The following GALC variants were observed in gnomAD, a reference collection of about 807,000 sequenced individuals.
The protein encoded by GALC is galactocerebrosidase.
A neutral mutation model predicts 91.8 loss-of-function variants in GALC; 77 were observed. That is an observed-to-expected ratio of 0.84 (90% CI 0.70 to 1.01). GALC has a LOEUF of 1.01. GALC is among the 50% of genes least tolerant of loss of function. The probability of loss-of-function intolerance (pLI) is 0.00; values close to 1 mark genes in which losing one functional copy is unlikely to be tolerated. For missense variants in GALC, 882 were observed against 855.9 expected, an observed-to-expected ratio of 1.03 and a Z score of -0.38; for synonymous variants, 357 against 306.7, an observed-to-expected ratio of 1.16 and a Z score of -1.71.
chr14:87,934,408 T>C lies in GALC; in HGVS notation c.*324A>G, dbSNP rs1884482844. On this transcript the variant is annotated 3_prime_UTR_variant, in exon 17 of 17. Transcript: ENST00000261304. ...TCTACAGGACCGCTTGCAAATAAGA[T>C]GAAGAGAGCTACCTCAGTGTTAGCA... The C allele has an allele frequency of 1.0e-5, 13 of 1,280,072 alleles. No homozygotes were observed. In the South Asian group the frequency reaches 2.0e-4, roughly 20 times the overall value. 79.3% of individuals were successfully genotyped at this position (1,280,072 alleles called of 1,614,324 possible).
At chr14:87,987,029 G>A in intron 3 of GALC, 1 of 455,068 alleles carries the variant, frequency 2.2e-6, no homozygotes, top group Non-Finnish European at 4.4e-6. Flanking sequence ...CCTGTTCTCA[G>A]AACCCACACC....
Position 87,954,705 on chromosome 14 carries a change from C to T in GALC, c.1162-3957G>A, listed in dbSNP as rs534110538. On this transcript the variant is annotated intron_variant, in intron 10 of 16. Transcript: ENST00000261304. ...ATTTCAGAGCTGTCATTTCCTATTA[C>T]GGCAGCTCAGAAGATAGCTCTAAAT... The T allele has an allele frequency of 1.2e-4, 192 of 1,548,824 alleles. 1 individual carries two copies. The highest frequency in any genetic ancestry group is 5.9e-4 in the East Asian group (26 of 44,416).
At chr14:87,967,896 AT>A (rs1886121350) in intron 8 of GALC, among the ~76,000 whole-genome samples, 1 of 152,176 alleles carries the variant, frequency 6.6e-6, no homozygotes. Context: ...TTGGGAAACA[AT>A]TAGGAAAATC....
At chr14:87,969,986 A>C (rs1322088004) in intron 7 of GALC, among the ~76,000 whole-genome samples, 1 of 152,210 alleles carries the variant, frequency 6.6e-6, no homozygotes, top group Non-Finnish European at 1.5e-5. Context: ...TACACTACAA[A>C]GATACCAACA....
chr14:87,934,672 G>A lies in GALC; in HGVS notation c.*60C>T. ...TTCCAATGAAACAAGAATTGGCTCT[G>A]AACCAAAACCAAAAAGAAGGGAAGA... is the stretch of plus-strand genomic sequence containing the variant. On this transcript the variant is annotated 3_prime_UTR_variant, in exon 17 of 17. Coordinates refer to ENST00000261304, the MANE Select transcript of GALC (RefSeq NM_000153.4). 6.2e-7 allele frequency: 1 copy of A among 1,610,698 alleles called. No individual in the cohort carries two copies. Among genetic ancestry groups the A allele is most frequent in the Non-Finnish European group, 8.5e-7 (1 of 1,178,546 alleles).
intron 7 of GALC, 58 bp from the exon 8 acceptor site, chr14:87,968,548 C>CTCAACAAAT: frequency 6.6e-7 from 1 of 1,510,062 alleles, no homozygotes; most frequent in Non-Finnish European, 9.2e-7. Flanking sequence ...CACTTATATA[C>CTCAACAAAT]GTATAGATTT....
chr14:87,984,255 GTGT>G, intron 5 of GALC, 136 bp downstream of exon 5: 1 of 773,544 alleles, frequency 1.3e-6, no homozygotes, highest in Non-Finnish European at 2.0e-6. Context: ...TACTTAGTTT[GTGT>G]TATTATCAGA....
At position 87,945,685 on chromosome 14, in the gene GALC, A is replaced by T; in HGVS notation, c.1538T>A (p.Val513Glu). ...EAPNFADQTG[V>E]FEYFTNIEDP... ...TTCAATATTTGTAAAATATTCAAAT[A>T]CACCAGTTTGATCAGCAAAGTTTGG... The change falls in exon 14 of 17, where the codon GTA becomes GAA. Residue 513 changes from valine to glutamate, a missense_variant. Coordinates refer to ENST00000261304, the MANE Select transcript of GALC (RefSeq NM_000153.4). The T allele has an allele frequency of 5.6e-6, 9 of 1,612,260 alleles. No individual in the cohort carries two copies. The highest frequency in any genetic ancestry group is 7.6e-6 in the Non-Finnish European group (9 of 1,178,776).
At chr14:87,952,662 C>G (rs1313692847) in intron 10 of GALC, 1 of 1,534,858 alleles carries the variant, frequency 6.5e-7, no homozygotes, top group Non-Finnish European at 9.0e-7. Flanking sequence ...GCACAAAAAT[C>G]TTGAAAACTA....
In GALC at chr14:87,965,624, A is replaced by G; in HGVS notation, c.914T>C (p.Ile305Thr). The G allele has an allele frequency of 6.2e-7, 1 of 1,613,296 alleles. No homozygotes were observed. The highest frequency in any genetic ancestry group is 8.5e-7 in the Non-Finnish European group (1 of 1,179,494). The change falls in exon 9 of 17, where the codon ATC (isoleucine) becomes ACC (threonine). Residue 305 changes from isoleucine (I) to threonine (T), a missense_variant. Physicochemically the swap from Ile to Thr is moderately conservative, Grantham distance 89 (BLOSUM62 -1). Coordinates refer to ENST00000261304, the MANE Select transcript of GALC (RefSeq NM_000153.4). ...GTAACTAGCCACTAAATTCCATGCG[A>G]TTGTGCTAAAAGATTTGATAAAAAA... ...NYINGYMTST[I>T]AWNLVASYYE... is the part of the protein sequence containing the mutation.
At chr14:87,971,655 T>C (rs75907878) in intron 7 of GALC, among the ~76,000 whole-genome samples, 17,199 of 152,228 alleles carry the variant, frequency 0.11, 1,142 homozygotes, top group Non-Finnish European at 0.16. Flanking sequence ...GTAATCAGTG[T>C]AAAACAATTG....
At chr14:87,954,785 C>T in intron 10 of GALC, 2 of 1,594,256 alleles carry the variant, frequency 1.3e-6, no homozygotes, top group South Asian at 2.2e-5. Context: ...ATCATATATA[C>T]TGGCTGCGCA....
At chr14:87,993,205 C>T, upstream of GALC, 4 of 1,553,708 alleles carry the variant, frequency 2.6e-6, no homozygotes, top group Non-Finnish European at 3.5e-6. Flanking sequence ...GAGGCGGGTC[C>T]CGTCGCCGCC....
chr14:87,945,737 T>C lies in GALC; in HGVS notation c.1490-4A>G, dbSNP rs771834033. The C allele has an allele frequency of 6.2e-7, 1 of 1,604,710 alleles. No homozygotes were observed. Among genetic ancestry groups the C allele is most frequent in the South Asian group, 1.1e-5 (1 of 90,882 alleles). Reference sequence around the variant, plus strand: ...GCTTCACTAAAAAATGGGTAATCTGTTCAGAATGTAAGAAATTCTCTGTTT... The same window carrying C: ...GCTTCACTAAAAAATGGGTAATCTGCTCAGAATGTAAGAAATTCTCTGTTT... On this transcript the variant is annotated splice_polypyrimidine_tract_variant and splice_region_variant and intron_variant, in intron 13 of 16. Transcript: ENST00000261304.
intron 1 of GALC, chr14:87,992,484 G>T: frequency 1.3e-6 from 2 of 1,528,054 alleles, no homozygotes. Context: ...AACTGCACGG[G>T]ACTTAACGAC....
chr14:87,960,276 A>G (rs955838825), intron 10 of GALC, among the ~76,000 whole-genome samples: 2 of 152,188 alleles, frequency 1.3e-5, no homozygotes, highest in Non-Finnish European at 2.9e-5. Context: ...AGGGAAGGAC[A>G]GGAAGAGGTC....
chr14:87,972,413 T>C (rs914499484), intron 7 of GALC, among the ~76,000 whole-genome samples: 1 of 152,068 alleles, frequency 6.6e-6, no homozygotes. Flanking sequence ...CAAGGAAAAA[T>C]CTTTCCAAGA....
intron 7 of GALC, among the ~76,000 whole-genome samples, chr14:87,972,776 T>C (rs1022827160): frequency 2.0e-5 from 3 of 151,438 alleles, no homozygotes; most frequent in Non-Finnish European, 3.0e-5. Flanking sequence ...TAGAGAAAAA[T>C]TCAGAGAAAT....
At chr14:87,992,729 G>A in intron 1 of GALC, 1 of 1,424,102 alleles carries the variant, frequency 7.0e-7, no homozygotes, top group East Asian at 2.5e-5. Context: ...TATACTCTCT[G>A]GACCTCCGGA....
Sources: gnomAD v4.1 joint callset for allele counts (sites outside exome capture counted in the v4.1 genomes callset) on GRCh38, gnomAD v4.1.1 for gene constraint, MANE v1.5 for transcripts, NCBI Gene and HGNC (gene_info 2026-07-23, HGNC 2026-07-21) for gene names.